MAX: variants seen among roughly 807,000 people sequenced by gnomAD.
The protein encoded by MAX is MYC associated transcriptional regulator X.
Under a neutral mutation model 22.3 loss-of-function variants are expected in MAX, and 3 were observed. The ratio of observed to expected loss-of-function variants is 0.13; its 90% CI spans 0.06 to 0.35. MAX has a LOEUF of 0.35. Among genes scored for constraint, MAX ranks in the 10% least tolerant of loss-of-function variants. The probability of loss-of-function intolerance (pLI) is 1.00; values close to 1 mark genes in which losing one functional copy is unlikely to be tolerated. For synonymous variants in MAX, 72 were observed against 77.7 expected (o/e 0.93, Z 0.39); for missense variants, 119 against 209.4 (o/e 0.57, Z 2.66).
chr14:65,029,469 T>C lies in MAX; in HGVS notation c.172-23185A>G, dbSNP rs1241580678. On this transcript the variant is annotated intron_variant, in intron 3 of 3. Coordinates refer to the MAX transcript ENST00000341653. This position sits in a 1 kb window ranked among gnomAD's most constrained non-coding sequence, Gnocchi z 4.7. ...CTGCTCTGTTACACTGCTGATAGTTTCAGAGATGAGCCTACTCAAGGGTCT... is the reference window on the plus strand; with the variant it reads ...CTGCTCTGTTACACTGCTGATAGTTCCAGAGATGAGCCTACTCAAGGGTCT... Among the ~76,000 whole-genome samples, 1 of 152,216 alleles carries C rather than the reference T, an allele frequency of 6.6e-6. No individual in the cohort carries two copies. Among genetic ancestry groups the C allele is most frequent in the Admixed American group, 6.5e-5 (1 of 15,282 alleles).
At chr14:65,071,575 T>C (rs544298446), downstream of MAX, among the ~76,000 whole-genome samples, 10 of 152,370 alleles carry the variant, frequency 6.6e-5, no homozygotes, top group South Asian at 1.9e-3. This position sits in a 1 kb window ranked among gnomAD's most constrained non-coding sequence, Gnocchi z 4.2. Context: ...CTCACACTCC[T>C]TTAAGCCTCA....
chr14:65,092,623 C>T (rs939451738), intron 3 of MAX, among the ~76,000 whole-genome samples: 1 of 152,106 alleles, frequency 6.6e-6, no homozygotes, highest in South Asian at 2.1e-4. Context: ...TTTGCAATAC[C>T]AGGTATGTAC....
Position 65,076,443 on chromosome 14 carries a change from G to T in MAX, c.*33C>A. On this transcript the variant is annotated 3_prime_UTR_variant, in exon 5 of 5. Coordinates refer to ENST00000358664, the MANE Select transcript of MAX (RefSeq NM_002382.5). This position sits in a 1 kb window ranked among gnomAD's most constrained non-coding sequence, Gnocchi z 6.6. ...AAAGGAGGATGAGACGATGGAGACAGACAGTTTTTATTGCTGGCCTGCCCC... is the reference window on the plus strand; with the variant it reads ...AAAGGAGGATGAGACGATGGAGACATACAGTTTTTATTGCTGGCCTGCCCC... 1.2e-6 allele frequency: 2 copies of T among 1,612,398 alleles called. No homozygotes were observed. The highest frequency in any genetic ancestry group is 2.2e-5 in the South Asian group (2 of 90,870).
intron 3 of MAX, among the ~76,000 whole-genome samples, chr14:65,021,797 C>T (rs535264033): frequency 1.3e-5 from 2 of 152,328 alleles, no homozygotes; most frequent in African/African-American, 4.8e-5. Flanking sequence ...GGGCGCATGC[C>T]ACTATGCCTG....
chr14:65,064,840 T>G lies in MAX; in HGVS notation c.171+28868A>C, dbSNP rs539912340. Among the ~76,000 whole-genome samples, 11 of 152,350 alleles carry G rather than the reference T, an allele frequency of 7.2e-5. No homozygotes were observed. In the South Asian group the frequency reaches 2.1e-3, roughly 29 times the overall value. The stretch of plus-strand genomic sequence containing the variant: ...GCAAATGGCCATTGCTCTCAAACAG[T>G]GATTACTGGGATAGAAGCCTGTAGG... On this transcript the variant is annotated intron_variant, in intron 3 of 3. Coordinates refer to the MAX transcript ENST00000341653.
rs2061607505 is a variant in MAX, at chr14:65,007,143, A to G, written c.172-859T>C. ...GCTGAGTATATAATTCAACATATCA[A>G]TATAAGGCTGAAGGCAAACATCACC... On this transcript the variant is annotated intron_variant, in intron 3 of 3. Coordinates refer to the MAX transcript ENST00000341653. This position sits in a 1 kb window ranked among gnomAD's most constrained non-coding sequence, Gnocchi z 4.9. 6.6e-6 allele frequency among the ~76,000 whole-genome samples: 1 copy of G among 152,246 alleles called. No individual in the cohort carries two copies. Among genetic ancestry groups the G allele is most frequent in the South Asian group, 2.1e-4 (1 of 4,834 alleles).
rs1331446921 is a variant in MAX, at chr14:65,027,843, G to A, written c.172-21559C>T. The A allele has an allele frequency of 3.1e-6, 5 of 1,606,062 alleles. No homozygotes were observed. Among genetic ancestry groups the A allele is most frequent in the East Asian group, 2.2e-5 (1 of 44,810 alleles). On this transcript the variant is annotated intron_variant, in intron 3 of 3. Transcript: ENST00000341653. The surrounding 1 kb of genome is among the most constrained non-coding windows in gnomAD (Gnocchi z 5.7). ...ACTCTAGAGCTCATCTGCCATTAGA[G>A]ATGCCAAGCCTAAGGAACATCATGG...
chr14:65,076,263 G>A lies in MAX; in HGVS notation c.*213C>T. The stretch of plus-strand genomic sequence containing the variant: ...TGTTGGGGACAGGGAATCCCTGAAG[G>A]GAATACATTAAAAAATATACAGTGG... On this transcript the variant is annotated 3_prime_UTR_variant, in exon 5 of 5. Coordinates refer to ENST00000358664, the MANE Select transcript of MAX (RefSeq NM_002382.5). The surrounding 1 kb of genome is among the most constrained non-coding windows in gnomAD (Gnocchi z 6.6). 2 of 1,436,640 alleles carry A rather than the reference G, an allele frequency of 1.4e-6. No individual in the cohort carries two copies. Among genetic ancestry groups the A allele is most frequent in the Non-Finnish European group, 1.8e-6 (2 of 1,101,578 alleles). 89.0% of individuals were successfully genotyped at this position (1,436,640 alleles called of 1,614,324 possible).
At chr14:65,019,800 C>A (rs1001625147) in intron 3 of MAX, among the ~76,000 whole-genome samples, 5 of 152,182 alleles carry the variant, frequency 3.3e-5, no homozygotes, top group African/African-American at 1.2e-4. Flanking sequence ...ATGAACAAAG[C>A]CTACTGGCTC....
intron 3 of MAX, among the ~76,000 whole-genome samples, chr14:65,086,346 T>C (rs1354520299): frequency 3.3e-5 from 5 of 151,832 alleles, no homozygotes; most frequent in African/African-American, 1.2e-4. Flanking sequence ...CAGGCAGAGG[T>C]TGGAACAATT....
chr14:65,101,349 C>T (rs2063825366), intron 2 of MAX, among the ~76,000 whole-genome samples, 197 bp downstream of exon 2: 1 of 152,180 alleles, frequency 6.6e-6, no homozygotes, highest in Non-Finnish European at 1.5e-5. Flanking sequence ...AATCACTGAA[C>T]TTATCACCTG....
Position 65,013,958 on chromosome 14 carries a change from C to T in MAX, c.172-7674G>A, listed in dbSNP as rs146138417. 3.5e-4 allele frequency among the ~76,000 whole-genome samples: 54 copies of T among 152,264 alleles called. 1 individual carries two copies. The East Asian group carries it at 9.6e-3, about 27-fold the overall frequency. On this transcript the variant is annotated intron_variant, in intron 3 of 3. Coordinates refer to the MAX transcript ENST00000341653. ...AAGTCATTTGCTCAAAGGCACATAG[C>T]GAGTAAGATGAGGAGCTGGGATTCA...
chr14:65,095,749 C>G (rs1311661923), intron 2 of MAX, among the ~76,000 whole-genome samples: 1 of 152,202 alleles, frequency 6.6e-6, no homozygotes, highest in Non-Finnish European at 1.5e-5. Context: ...CTAAATCACC[C>G]TGATTCTTGG....
chr14:65,032,752 A>G lies in MAX; in HGVS notation c.172-26468T>C. On this transcript the variant is annotated intron_variant, in intron 3 of 3. Coordinates refer to the MAX transcript ENST00000341653. This position sits in a 1 kb window ranked among gnomAD's most constrained non-coding sequence, Gnocchi z 5.0. ...TTGGAGAGCAGGCGGTCACGACACT[A>G]CTTCAGAAAAATAAAGAAAATGCAG... 1 of 1,540,734 alleles carries G rather than the reference A, an allele frequency of 6.5e-7. No individual in the cohort carries two copies. Among genetic ancestry groups the G allele is most frequent in the South Asian group, 1.2e-5 (1 of 84,574 alleles).
At chr14:65,072,405 C>G (rs148105534), downstream of MAX, among the ~76,000 whole-genome samples, 1,205 of 152,308 alleles carry the variant, frequency 7.9e-3, 17 homozygotes, top group African/African-American at 0.027. Flanking sequence ...ATCAAGGCAG[C>G]TCTAAGGGTT....
rs2063274975 is a variant in MAX at position 65,084,432 on chromosome 14, T to C, written c.172-6396A>G. The C allele has an allele frequency of 3.1e-6, 2 of 650,712 alleles. No homozygotes were observed. Among genetic ancestry groups the C allele is most frequent in the Admixed American group, 2.4e-5 (1 of 40,822 alleles). 40.3% of individuals were successfully genotyped at this position (650,712 alleles called of 1,614,324 possible). A position where few individuals can be genotyped will look rare whatever the true frequency, so the allele number is the denominator to read the frequency against. On this transcript the variant is annotated intron_variant, in intron 3 of 4. Coordinates refer to ENST00000358664, the MANE Select transcript of MAX (RefSeq NM_002382.5). The surrounding 1 kb of genome is among the most constrained non-coding windows in gnomAD (Gnocchi z 4.3). ...ATTCCAGTGATAATGAAACTGGTAC[T>C]CTCAAAACACTACCAAAAGACTACT...
Position 65,011,455 on chromosome 14 carries a change from C to G in MAX, c.172-5171G>C, listed in dbSNP as rs755239684. 1.3e-4 allele frequency among the ~76,000 whole-genome samples: 18 copies of G among 141,566 alleles called. No individual in the cohort carries two copies. Among genetic ancestry groups the G allele is most frequent in the Non-Finnish European group, 2.6e-4 (17 of 66,380 alleles). 92.9% of individuals were successfully genotyped at this position (141,566 alleles called of 152,430 possible). ...GGAAAAAAAAAAAAAAAAAAAAAGA[C>G]TGCATGAAGGCTCTTACTCTGAGCC... On this transcript the variant is annotated intron_variant, in intron 3 of 3. Coordinates refer to the MAX transcript ENST00000341653. This position sits in a 1 kb window ranked among gnomAD's most constrained non-coding sequence, Gnocchi z 4.0.
At chr14:65,086,204 A>G (rs2063331878) in intron 3 of MAX, among the ~76,000 whole-genome samples, 1 of 152,176 alleles carries the variant, frequency 6.6e-6, no homozygotes, top group Non-Finnish European at 1.5e-5. Context: ...TTTCTTTTGT[A>G]AATTGCCCAG....
chr14:65,054,776 T>C lies in MAX; in HGVS notation c.171+38932A>G. 1 of 1,412,290 alleles carries C rather than the reference T, an allele frequency of 7.1e-7. No individual in the cohort carries two copies. The highest frequency in any genetic ancestry group is 1.4e-5 in the African/African-American group (1 of 70,434). The allele number at this position is 1,412,290 out of a possible 1,614,324, so 87.5% of individuals were successfully genotyped here. ...CCAAGTAAGCAGAACTGGCTCTGCA[T>C]TTCCTGTGTGGACAGGCGGAAGCTT... On this transcript the variant is annotated intron_variant, in intron 3 of 3. Coordinates refer to the MAX transcript ENST00000341653. The surrounding 1 kb of genome is among the most constrained non-coding windows in gnomAD (Gnocchi z 4.4).
Sources: allele counts gnomAD v4.1 joint callset (sites outside exome capture counted in the v4.1 genomes callset), GRCh38; gene constraint gnomAD v4.1.1; non-coding constraint Gnocchi (gnomAD v3.1); transcripts MANE v1.5; gene names NCBI Gene and HGNC (gene_info 2026-07-23, HGNC 2026-07-21).